Variants in CACNA1C observed in about 807,000 individuals in gnomAD.
CACNA1C encodes the protein voltage-dependent L-type calcium channel subunit alpha-1C.
Under a neutral mutation model 229.0 loss-of-function variants are expected in CACNA1C, and 30 were observed. The observed-to-expected ratio is 0.13, with a 90% CI of 0.10 to 0.18. The LOEUF is 0.18. CACNA1C is among the 10% of genes least tolerant of loss of function. CACNA1C has a pLI of 1.00. For synonymous variants in CACNA1C, 1,114 were observed against 1,132.5 expected (o/e 0.98, Z 0.33); for missense variants, 1,658 against 2,845.0 (o/e 0.58, Z 9.49).
chr12:2,251,396 C>T (rs1276773855), intron 3 of CACNA1C, among the ~76,000 whole-genome samples: 1 of 152,182 alleles, frequency 6.6e-6, no homozygotes, highest in Non-Finnish European at 1.5e-5. Flanking sequence ...TTGAAATCCT[C>T]CTTTGTAATG....
At chr12:2,448,747 G>T (rs2099324793) in intron 3 of CACNA1C, among the ~76,000 whole-genome samples, 1 of 131,822 alleles carries the variant, frequency 7.6e-6, no homozygotes, top group African/African-American at 2.7e-5. Context: ...CATGTTCATG[G>T]GGGAACTTTG....
chr12:2,157,825 G>A (rs1252398235), intron 3 of CACNA1C, among the ~76,000 whole-genome samples: 1 of 152,050 alleles, frequency 6.6e-6, no homozygotes, highest in African/African-American at 2.4e-5. Flanking sequence ...GAATATACAC[G>A]AGGAAAACTT....
In CACNA1C at chr12:2,655,191, G is replaced by T; in HGVS notation, c.4185G>T (p.Arg1395=). ...TGAATGATACCACAGAGATCAACCG[G>T]AACAACAACTTTCAGACCTTCCCCC... The part of the protein sequence containing the change: ...IALNDTTEIN[R]NNNFQTFPQA... Residue 1395 remains arginine (R), a synonymous_variant, in exon 34 of 47, where the codon CGG becomes CGT. Coordinates refer to ENST00000399655, the MANE Select transcript of CACNA1C (RefSeq NM_000719.7). 2 of 1,613,868 alleles carry T rather than the reference G, an allele frequency of 1.2e-6. No individual in the cohort carries two copies. The highest frequency in any genetic ancestry group is 1.7e-6 in the Non-Finnish European group (2 of 1,179,814).
chr12:2,586,435 G>T (rs901522158), intron 18 of CACNA1C, among the ~76,000 whole-genome samples: 1 of 152,124 alleles, frequency 6.6e-6, no homozygotes, highest in African/African-American at 2.4e-5. Context: ...ACCTAAATTG[G>T]CAGGCAGTCT....
At chr12:2,182,149 AAAAAAATG>A (rs1190950001) in intron 3 of CACNA1C, among the ~76,000 whole-genome samples, 1 of 151,876 alleles carries the variant, frequency 6.6e-6, no homozygotes, top group Non-Finnish European at 1.5e-5. Context: ...AAAAAAAAAA[AAAAAAATG>A]ACGGTACCAA....
In CACNA1C at chr12:2,267,288, C is replaced by A. The variant is rs192331243; in HGVS notation, c.477+146858C>A. Among the ~76,000 whole-genome samples the A allele has an allele frequency of 2.9e-3, 435 of 152,288 alleles. 1 individual carries two copies. The highest frequency in any genetic ancestry group is 3.9e-3 in the Non-Finnish European group (263 of 68,024). The stretch of plus-strand genomic sequence containing the variant: ...TCACCTGAACTCTCTCAGGCTGGAG[C>A]TGAGCTTTGGGTTCATAATATATAA... On this transcript the variant is annotated intron_variant, in intron 3 of 46. Coordinates refer to ENST00000399655, the MANE Select transcript of CACNA1C (RefSeq NM_000719.7).
At chr12:1,978,485 A>C (rs1185688184) in intron 1 of CACNA1C, among the ~76,000 whole-genome samples, 1 of 152,242 alleles carries the variant, frequency 6.6e-6, no homozygotes, top group Non-Finnish European at 1.5e-5. Flanking sequence ...ATTTTCATTT[A>C]TTTAAATACT....
chr12:2,242,968 A>G (rs1411681622), intron 3 of CACNA1C, among the ~76,000 whole-genome samples: 2 of 152,350 alleles, frequency 1.3e-5, no homozygotes, highest in East Asian at 1.9e-4. Context: ...ACCCACGATC[A>G]TAGGGTTTAT....
At chr12:2,550,689 A>C in intron 10 of CACNA1C, 1 of 1,325,204 alleles carries the variant, frequency 7.5e-7, no homozygotes. Flanking sequence ...GAATTGCTCC[A>C]CCTGGGGGGC....
chr12:2,008,129 A>T (rs11062062), intron 1 of CACNA1C, among the ~76,000 whole-genome samples: 21,605 of 151,544 alleles, frequency 0.14, 1,641 homozygotes, highest in Admixed American at 0.19. Context: ...TTATTTATTT[A>T]TTTTTTGAGA....
At chr12:2,107,864 A>G (rs1021686136) in intron 1 of CACNA1C, among the ~76,000 whole-genome samples, 2 of 152,140 alleles carry the variant, frequency 1.3e-5, no homozygotes, top group Non-Finnish European at 2.9e-5. Context: ...CACTTCTCAC[A>G]TTTCTTTGTC....
At position 2,377,236 on chromosome 12, in the gene CACNA1C, G is replaced by A. The variant is rs561239134; in HGVS notation, c.478-71740G>A. 4.6e-5 allele frequency among the ~76,000 whole-genome samples: 7 copies of A among 152,326 alleles called. No individual in the cohort carries two copies. In the South Asian group the frequency reaches 1.5e-3, roughly 32 times the overall value. ...GGTTTCACTGAGCAGGGCTGTGTGTGGCCTCAATGCCCTCCTCTCCCGGCC... is the reference window on the plus strand; with the variant it reads ...GGTTTCACTGAGCAGGGCTGTGTGTAGCCTCAATGCCCTCCTCTCCCGGCC... On this transcript the variant is annotated intron_variant, in intron 3 of 46. Transcript: ENST00000399655.
In CACNA1C at chr12:2,054,608, G is replaced by A. The variant is rs1020237891; in HGVS notation, c.49+997G>A. Among the ~76,000 whole-genome samples, 1 of 152,116 alleles carries A rather than the reference G, an allele frequency of 6.6e-6. No individual in the cohort carries two copies. The highest frequency in any genetic ancestry group is 6.5e-5 in the Admixed American group (1 of 15,268). On this transcript the variant is annotated intron_variant, in intron 1 of 46. Transcript: ENST00000399655. The surrounding 1 kb of genome is among the most constrained non-coding windows in gnomAD (Gnocchi z 5.5). ...ATATTAACAAGTTGTTTTCTTGGAC[G>A]TTGCTTAGCATTTAAGGTTTTGGGG...
At chr12:2,102,464 A>G (rs2154105147) in intron 1 of CACNA1C, among the ~76,000 whole-genome samples, 1 of 152,300 alleles carries the variant, frequency 6.6e-6, no homozygotes, top group South Asian at 2.1e-4. Flanking sequence ...TCAGTGTGGT[A>G]CCTGGCTCTG....
chr12:2,290,008 A>T (rs1305411283), intron 3 of CACNA1C, among the ~76,000 whole-genome samples: 2 of 152,218 alleles, frequency 1.3e-5, no homozygotes, highest in Non-Finnish European at 2.9e-5. Context: ...TTAGTAATAA[A>T]GCTTGGGTGG....
Position 2,644,092 on chromosome 12 carries a change from G to A in CACNA1C, c.3913-4383G>A, listed in dbSNP as rs191388926. On this transcript the variant is annotated intron_variant, in intron 30 of 46. Coordinates refer to ENST00000399655, the MANE Select transcript of CACNA1C (RefSeq NM_000719.7). Reference sequence around the variant, plus strand: ...AAGACATTTTAAAAAATATAGCAAGGGTTCTGTAGCAGGACCACTATTTAG... The same window carrying A: ...AAGACATTTTAAAAAATATAGCAAGAGTTCTGTAGCAGGACCACTATTTAG... 3.3e-5 allele frequency among the ~76,000 whole-genome samples: 5 copies of A among 152,256 alleles called. 1 individual carries two copies. Among genetic ancestry groups the A allele is most frequent in the African/African-American group, 1.2e-4 (5 of 41,556 alleles).
intron 1 of CACNA1C, among the ~76,000 whole-genome samples, chr12:2,089,607 C>T (rs933337620): frequency 6.6e-6 from 1 of 152,194 alleles, no homozygotes; most frequent in Non-Finnish European, 1.5e-5. Context: ...AGAGACTTGA[C>T]ATTTTTTAAT....
At chr12:2,420,444 A>G (rs927520226) in intron 3 of CACNA1C, among the ~76,000 whole-genome samples, 2 of 152,200 alleles carry the variant, frequency 1.3e-5, no homozygotes, top group East Asian at 3.9e-4. Context: ...TTCTTGTCTC[A>G]GAGCTGTGTC....
chr12:2,497,602 C>T lies in CACNA1C; in HGVS notation c.1113+4216C>T, dbSNP rs189897941. On this transcript the variant is annotated intron_variant, in intron 7 of 46. Transcript: ENST00000399655. ...ACCACAGTAAAGAGCCTCTGGCCCGCGTTATCCTGGGTTCATGCCCCTTCC... is the reference window on the plus strand; with the variant it reads ...ACCACAGTAAAGAGCCTCTGGCCCGTGTTATCCTGGGTTCATGCCCCTTCC... Among the ~76,000 whole-genome samples the T allele has an allele frequency of 4.8e-3, 734 of 152,260 alleles. 3 individuals are homozygous for T. Among genetic ancestry groups the T allele is most frequent in the Non-Finnish European group, 6.0e-3 (405 of 68,018 alleles).
Sources: gnomAD v4.1 joint callset for allele counts (sites outside exome capture counted in the v4.1 genomes callset) on GRCh38, gnomAD v4.1.1 for gene constraint, Gnocchi (gnomAD v3.1) non-coding constraint, MANE v1.5 for transcripts, NCBI Gene and HGNC (gene_info 2026-07-23, HGNC 2026-07-21) for gene names.